Variants in WWP2 observed in about 807,000 individuals in gnomAD.
WWP2 encodes the protein NEDD4-like E3 ubiquitin-protein ligase WWP2.
A neutral mutation model predicts 121.0 loss-of-function variants in WWP2; 57 were observed. The ratio of observed to expected loss-of-function variants is 0.47; its 90% CI spans 0.38 to 0.59. The LOEUF is 0.59. Ranked by LOEUF, WWP2 falls within the 20% of genes least tolerant of loss-of-function variation. WWP2 has a pLI of 0.00. For synonymous variants in WWP2, 449 were observed against 441.3 expected (o/e 1.02, Z -0.22); for missense variants, 962 against 1,158.9 (o/e 0.83, Z 2.47).
chr16:69,823,523 G>A (rs1176731931), intron 4 of WWP2, among the ~76,000 whole-genome samples: 1 of 151,218 alleles, frequency 6.6e-6, no homozygotes, highest in African/African-American at 2.4e-5. Flanking sequence ...AGGCTGGAGT[G>A]CAGTGGTGCG....
intron 21 of WWP2, among the ~76,000 whole-genome samples, chr16:69,938,273 CA>C (rs1258585608): frequency 6.6e-6 from 1 of 152,112 alleles, no homozygotes; most frequent in Non-Finnish European, 1.5e-5. Context: ...CTCACCCTCC[CA>C]AAGTGCTGGG....
chr16:69,812,477 C>CCCCCCCT (rs1567679792), intron 4 of WWP2, among the ~76,000 whole-genome samples: 1 of 119,904 alleles, frequency 8.3e-6, no homozygotes, highest in Non-Finnish European at 1.7e-5. Context: ...AACCCCCCCC[C>CCCCCCCT]TTTTTTTTTT....
chr16:69,876,370 G>GTTTTTTTTTTTTTTTTT (rs1567400174), intron 7 of WWP2, among the ~76,000 whole-genome samples: 1 of 134,366 alleles, frequency 7.4e-6, no homozygotes, highest in Non-Finnish European at 1.6e-5. Context: ...TTTTTTTTTC[G>GTTTTTTTTTTTTTTTTT]TTTTTTGTTT....
intron 1 of WWP2, chr16:69,774,640 A>G (rs2055485511): frequency 6.6e-6 from 1 of 152,082 alleles, no homozygotes; most frequent in African/African-American, 2.4e-5. Flanking sequence ...CTCAAATGTC[A>G]CCTTCTCAGT....
chr16:69,935,986 A>G lies in WWP2; in HGVS notation c.1976A>G (p.Lys659Arg), dbSNP rs1484483718. ...TTCTACAACTCCATTGTCTGGATCAAGTGAGTTCCCTGCCCCCTTGCCCCA... is the reference window on the plus strand; with the variant it reads ...TTCTACAACTCCATTGTCTGGATCAGGTGAGTTCCCTGCCCCCTTGCCCCA... ...PEFYNSIVWI[K>R]ENNLEECGLE... The change falls in exon 18 of 24, where the codon AAA becomes AGA. Residue 659 changes from lysine (K) to arginine (R), a missense_variant and splice_region_variant. By Grantham distance (26) the Lys-to-Arg change is conservative. Around this residue, in one of 3 missense-constraint regions of WWP2, gnomAD observed 606 missense variants for 772.6 expected, o/e 0.78. Coordinates refer to ENST00000359154, the MANE Select transcript of WWP2 (RefSeq NM_001270454.2). This position sits in a 1 kb window ranked among gnomAD's most constrained non-coding sequence, Gnocchi z 5.2. 1.5e-5 allele frequency: 25 copies of G among 1,613,822 alleles called. No individual in the cohort carries two copies. The highest frequency in any genetic ancestry group is 2.1e-5 in the Non-Finnish European group (25 of 1,179,846).
intron 5 of WWP2, among the ~76,000 whole-genome samples, chr16:69,840,977 A>C (rs534137529): frequency 6.6e-6 from 1 of 152,230 alleles, no homozygotes; most frequent in Non-Finnish European, 1.5e-5. Context: ...CAGTGGCCGG[A>C]TGGGCCTTGA....
In WWP2 at chr16:69,799,268, A is replaced by T. The variant is rs373154084; in HGVS notation, c.313A>T (p.Asn105Tyr). The T allele has an allele frequency of 4.3e-6, 7 of 1,613,982 alleles. No individual in the cohort carries two copies. The highest frequency in any genetic ancestry group is 5.9e-6 in the Non-Finnish European group (7 of 1,180,018). The change falls in exon 4 of 24, where the codon AAC becomes TAC. Residue 105 changes from asparagine (N) to tyrosine (Y), a missense_variant. Physicochemically the swap from Asn to Tyr is moderately radical, Grantham distance 143. Transcript: ENST00000359154. The surrounding 1 kb of genome is among the most constrained non-coding windows in gnomAD (Gnocchi z 4.5). ...AGGCACCGCATCTGTCAACCTCTCC[A>T]ACGTCTTGAAGAACAATGGGGGCAA... Reference protein sequence around the residue: ...LLGTASVNLSNVLKNNGGKME... With the variant: ...LLGTASVNLSYVLKNNGGKME...
At chr16:69,837,086 G>A (rs1323140754) in intron 4 of WWP2, among the ~76,000 whole-genome samples, 1 of 151,920 alleles carries the variant, frequency 6.6e-6, no homozygotes, top group Non-Finnish European at 1.5e-5. Context: ...ACCATATCCA[G>A]CTAATTTTTG....
intron 8 of WWP2, among the ~76,000 whole-genome samples, chr16:69,890,271 C>T (rs1012183971): frequency 2.0e-5 from 3 of 152,040 alleles, no homozygotes; most frequent in African/African-American, 7.2e-5. Context: ...TCCTAGCATG[C>T]GCCACGCTAC....
In WWP2 at chr16:69,777,758, A is replaced by G. The variant is rs981353519; in HGVS notation, c.-15-9238A>G. ...AATATGTTGTTTGTATTTATATTAT[A>G]TATAAATATGTTATTTATATTTTTG... On this transcript the variant is annotated intron_variant, in intron 1 of 23. Transcript: ENST00000359154. Among the ~76,000 whole-genome samples, 3 of 151,360 alleles carry G rather than the reference A, an allele frequency of 2.0e-5. No individual in the cohort carries two copies. In the Admixed American group the frequency reaches 2.0e-4, roughly 10 times the overall value.
intron 1 of WWP2, among the ~76,000 whole-genome samples, chr16:69,764,285 G>C (rs2038680537): frequency 6.6e-6 from 1 of 152,114 alleles, no homozygotes. Context: ...CTGTAACCTT[G>C]ACCTGCCTGG....
chr16:69,865,513 G>T (rs1272582316), intron 6 of WWP2, among the ~76,000 whole-genome samples: 2 of 152,292 alleles, frequency 1.3e-5, no homozygotes, highest in East Asian at 1.9e-4. Context: ...ATTTCTAAAG[G>T]GGGGGTACCA....
At chr16:69,939,743 T>C (rs1567450153) in intron 23 of WWP2, 98 bp from the exon 24 acceptor site, 6 of 1,109,400 alleles carry the variant, frequency 5.4e-6, no homozygotes, top group Non-Finnish European at 5.2e-6. Context: ...CTAGCCAGTG[T>C]GGTGCAAGCC....
intron 8 of WWP2, among the ~76,000 whole-genome samples, chr16:69,902,310 G>A (rs755610431): frequency 6.6e-6 from 1 of 152,144 alleles, no homozygotes; most frequent in Non-Finnish European, 1.5e-5. Flanking sequence ...TGGGACGTAG[G>A]GTTGGAACAT....
chr16:69,845,649 A>T lies in WWP2; in HGVS notation c.575+3529A>T, dbSNP rs567488806. On this transcript the variant is annotated intron_variant, in intron 6 of 23. Coordinates refer to ENST00000359154, the MANE Select transcript of WWP2 (RefSeq NM_001270454.2). The stretch of plus-strand genomic sequence containing the variant: ...AGAACTGGAACTGTGAAAGGGTTTT[A>T]TCTGAGGGGTTCATTCGTCCAAGCT... 5.6e-4 allele frequency among the ~76,000 whole-genome samples: 85 copies of T among 152,130 alleles called. No individual in the cohort carries two copies. In the South Asian group the frequency reaches 0.017, roughly 31 times the overall value.
At chr16:69,769,962 A>G (rs2055381232) in intron 1 of WWP2, among the ~76,000 whole-genome samples, 1 of 151,106 alleles carries the variant, frequency 6.6e-6, no homozygotes, top group South Asian at 2.1e-4. Context: ...GCAGCCTCTA[A>G]GCGATTCCCG....
chr16:69,908,912 T>G (rs1018476187), intron 9 of WWP2, 62 bp downstream of exon 9: 15 of 1,610,800 alleles, frequency 9.3e-6, no homozygotes, highest in Non-Finnish European at 1.3e-5. Context: ...ACCCAATGGC[T>G]TCTTGAAACG....
chr16:69,890,600 C>T (rs769209236), intron 8 of WWP2, among the ~76,000 whole-genome samples: 1 of 152,080 alleles, frequency 6.6e-6, no homozygotes, highest in Non-Finnish European at 1.5e-5. Context: ...CGCCTGTGTC[C>T]CCAGTGAGCT....
At chr16:69,834,019 T>C (rs1157471590) in intron 4 of WWP2, among the ~76,000 whole-genome samples, 3 of 152,210 alleles carry the variant, frequency 2.0e-5, no homozygotes, top group African/African-American at 7.2e-5. Context: ...CTTGCCTGGA[T>C]TACCACAGTG....
Sources: allele counts gnomAD v4.1 joint callset (sites outside exome capture counted in the v4.1 genomes callset), GRCh38; gene constraint gnomAD v4.1.1; regional missense constraint gnomAD v4.1.1; non-coding constraint Gnocchi (gnomAD v3.1); transcripts MANE v1.5; gene names NCBI Gene and HGNC (gene_info 2026-07-23, HGNC 2026-07-21).